Variants in TMEM94 observed in about 807,000 individuals in gnomAD.
TMEM94 encodes the protein transmembrane protein 94, also known as ER Mg2+ ATPase.
A neutral mutation model predicts 158.6 loss-of-function variants in TMEM94; 81 were observed. That is an observed-to-expected ratio of 0.51 (90% CI 0.43 to 0.61). TMEM94 has a LOEUF of 0.61. Among genes scored for constraint, TMEM94 ranks in the 20% least tolerant of loss-of-function variants. The pLI, the probability that TMEM94 is intolerant of heterozygous loss-of-function variation, is 0.00. For missense variants in TMEM94, 1,435 were observed against 1,762.0 expected, an observed-to-expected ratio of 0.81 and a Z score of 3.32; for synonymous variants, 751 against 730.7, an observed-to-expected ratio of 1.03 and a Z score of -0.45.
intron 18 of TMEM94, 84 bp from the exon 19 acceptor site, chr17:75,494,543 T>G: frequency 2.9e-6 from 4 of 1,394,960 alleles, no homozygotes; most frequent in African/African-American, 1.4e-5. Flanking sequence ...TGCTCATTGA[T>G]TTGGGTGTGG....
At chr17:75,481,584 A>G (rs1353039408) in intron 2 of TMEM94, among the ~76,000 whole-genome samples, 1 of 152,140 alleles carries the variant, frequency 6.6e-6, no homozygotes, top group African/African-American at 2.4e-5. Flanking sequence ...GTTGCCGAGG[A>G]GGGGGTATGT....
At chr17:75,464,668 C>T (rs193228679) in intron 1 of TMEM94, among the ~76,000 whole-genome samples, 53 of 103,912 alleles carry the variant, frequency 5.1e-4, no homozygotes, top group South Asian at 3.4e-3. Context: ...TCCTTCCTTC[C>T]TTCCTTCCTT....
chr17:75,497,555 T>C (rs2052840825), intron 26 of TMEM94, among the ~76,000 whole-genome samples: 1 of 152,094 alleles, frequency 6.6e-6, no homozygotes, highest in Non-Finnish European at 1.5e-5. Flanking sequence ...GTTTTTGCCA[T>C]GTTGGCGAGG....
chr17:75,495,969 T>C lies in TMEM94; in HGVS notation c.2948T>C (p.Met983Thr), dbSNP rs563055789. Residue 983 changes from methionine (M) to threonine (T), a missense_variant, in exon 23 of 32, where the codon ATG becomes ACG. By Grantham distance (81) the Met-to-Thr change is moderately conservative. Transcript: ENST00000314256. This position sits in a 1 kb window ranked among gnomAD's most constrained non-coding sequence, Gnocchi z 5.6. ...TGCCCTTATACGCTGTCCTCAGCCA[T>C]GTGTGAGATGATAAAGATCATGCAA... ...PLFTDCTPET[M>T]CEMIKIMQEY... The C allele has an allele frequency of 1.1e-5, 17 of 1,611,786 alleles. No individual in the cohort carries two copies. The highest frequency in any genetic ancestry group is 5.0e-5 in the Admixed American group (3 of 59,996).
intron 4 of TMEM94, 57 bp downstream of exon 4, chr17:75,486,055 G>A (rs939455862): frequency 9.7e-6 from 15 of 1,546,888 alleles, no homozygotes; most frequent in African/African-American, 9.5e-5. Context: ...ATCCTGCCGC[G>A]GCACCTGGGA....
Position 75,498,158 on chromosome 17 carries a change from T to G in TMEM94, c.3490-17T>G. 6.2e-7 allele frequency: 1 copy of G among 1,613,486 alleles called. No homozygotes were observed. Among genetic ancestry groups the G allele is most frequent in the Non-Finnish European group, 8.5e-7 (1 of 1,179,866 alleles). Reference sequence around the variant, plus strand: ...AGGGGCTGTGCGCCCCAGGAGTGACTGGCCTTGTTCCCGCAGACCCAGCAC... The same window carrying G: ...AGGGGCTGTGCGCCCCAGGAGTGACGGGCCTTGTTCCCGCAGACCCAGCAC... On this transcript the variant is annotated splice_polypyrimidine_tract_variant and intron_variant, in intron 27 of 31. Transcript: ENST00000314256. The surrounding 1 kb of genome is among the most constrained non-coding windows in gnomAD (Gnocchi z 6.7).
rs1430661284 is a variant in TMEM94, at chr17:75,487,099, A to G, written c.409+673A>G. On this transcript the variant is annotated intron_variant, in intron 5 of 31. Transcript: ENST00000314256. The surrounding 1 kb of genome is among the most constrained non-coding windows in gnomAD (Gnocchi z 4.6). Reference sequence around the variant, plus strand: ...TTTGTCCTTTCGTTCTGAGATGGTTAATTGCCACCATGTGCCAGGCACTGG... The same window carrying G: ...TTTGTCCTTTCGTTCTGAGATGGTTGATTGCCACCATGTGCCAGGCACTGG... 2.0e-5 allele frequency among the ~76,000 whole-genome samples: 3 copies of G among 152,128 alleles called. No individual in the cohort carries two copies. Among genetic ancestry groups the G allele is most frequent in the African/African-American group, 7.2e-5 (3 of 41,418 alleles).
Position 75,489,701 on chromosome 17 carries a change from G to A in TMEM94, c.954+39G>A, listed in dbSNP as rs567293899. On this transcript the variant is annotated intron_variant, in intron 9 of 31. Transcript: ENST00000314256. The surrounding 1 kb of genome is among the most constrained non-coding windows in gnomAD (Gnocchi z 5.0). ...TGTCCTCTCTGTCATGCTTCCCTCCGACCCGCAGGGCTGGCTCTTCTCCTA... is the reference window on the plus strand; with the variant it reads ...TGTCCTCTCTGTCATGCTTCCCTCCAACCCGCAGGGCTGGCTCTTCTCCTA... The A allele has an allele frequency of 3.9e-6, 6 of 1,529,020 alleles. No individual in the cohort carries two copies. The African/African-American group carries it at 4.1e-5, about 10-fold the overall frequency. 94.7% of individuals were successfully genotyped at this position (1,529,020 alleles called of 1,614,324 possible). A position where few individuals can be genotyped will look rare whatever the true frequency, so the allele number is the denominator to read the frequency against.
chr17:75,476,642 G>A (rs1283688826), intron 2 of TMEM94: 1 of 1,534,302 alleles, frequency 6.5e-7, no homozygotes, highest in Non-Finnish European at 8.7e-7. Flanking sequence ...TTTGAGGGAG[G>A]TGTTGGAAGT....
At position 75,497,856 on chromosome 17, in the gene TMEM94, C is replaced by T. The variant is rs758524943; in HGVS notation, c.3483C>T (p.Pro1161=). Residue 1161 remains proline (P), a synonymous_variant, in exon 27 of 32, where the codon CCC becomes CCT. Coordinates refer to ENST00000314256, the MANE Select transcript of TMEM94 (RefSeq NM_014738.6). ...CGGGGAAAAACCTCCAGTCCATTCC[C>T]AAGAAGGTAAGCAAAACAGACCCTG... The part of the protein sequence containing the change: ...MATGKNLQSI[P]KKTQHYFLLC... The T allele has an allele frequency of 2.5e-6, 4 of 1,613,524 alleles. No individual in the cohort carries two copies. The highest frequency in any genetic ancestry group is 3.3e-5 in the Admixed American group (2 of 60,020).
At position 75,492,636 on chromosome 17, in the gene TMEM94, C is replaced by T; in HGVS notation, c.1759C>T (p.Leu587Phe). Residue 587 changes from leucine to phenylalanine, a missense_variant, in exon 15 of 32, where the codon CTC (leucine) becomes TTC (phenylalanine). Physicochemically the swap from Leu to Phe is conservative, Grantham distance 22. Transcript: ENST00000314256. This position sits in a 1 kb window ranked among gnomAD's most constrained non-coding sequence, Gnocchi z 4.4. ...LHLTSLKPLGLNVLLNLCDAS... is the reference protein window; with the variant it reads ...LHLTSLKPLGFNVLLNLCDAS... ...CCTCACCTCCCTCAAACCCCTGGGC[C>T]TCAATGTGCTGCTGAACCTGTGTGA... The T allele has an allele frequency of 6.2e-7, 1 of 1,614,084 alleles. No homozygotes were observed. Among genetic ancestry groups the T allele is most frequent in the Non-Finnish European group, 8.5e-7 (1 of 1,180,018 alleles).
intron 1 of TMEM94, among the ~76,000 whole-genome samples, chr17:75,465,429 A>ATTAT (rs1277373337): frequency 7.3e-5 from 11 of 150,302 alleles, no homozygotes; most frequent in African/African-American, 1.5e-4. Flanking sequence ...CTGCCTGTTT[A>ATTAT]TTATTTATTT....
Position 75,495,636 on chromosome 17 carries a change from C to A in TMEM94, c.2937C>A (p.Thr979=). The A allele has an allele frequency of 6.2e-7, 1 of 1,613,334 alleles. No homozygotes were observed. The highest frequency in any genetic ancestry group is 1.1e-5 in the South Asian group (1 of 91,078). ...TAGTGCCCCTTTTCACCGACTGCAC[C>A]CCAGAGAGTGAGTGCTGTGGCCATG... The part of the protein sequence containing the change: ...PLLVPLFTDC[T]PETMCEMIKI... The change falls in exon 22 of 32, where the codon ACC becomes ACA. Residue 979 remains threonine, a synonymous_variant. Transcript: ENST00000314256. The surrounding 1 kb of genome is among the most constrained non-coding windows in gnomAD (Gnocchi z 5.6).
intron 1 of TMEM94, among the ~76,000 whole-genome samples, chr17:75,470,803 C>T (rs1203560624): frequency 3.3e-5 from 5 of 151,678 alleles, no homozygotes; most frequent in African/African-American, 7.3e-5. Context: ...CCTGTAATCC[C>T]AGCTACTTGA....
intron 26 of TMEM94, 115 bp from the exon 27 acceptor site, chr17:75,497,666 C>T: frequency 1.3e-6 from 1 of 765,920 alleles, no homozygotes; most frequent in Non-Finnish European, 2.2e-6. Context: ...TTGTTTTATT[C>T]CATCCCCTCA....
Position 75,494,973 on chromosome 17 carries a change from C to T in TMEM94, c.2667C>T (p.Gly889=), listed in dbSNP as rs751015897. Residue 889 remains glycine, a synonymous_variant, in exon 20 of 32, where the codon GGC becomes GGT. Coordinates refer to ENST00000314256, the MANE Select transcript of TMEM94 (RefSeq NM_014738.6). The stretch of plus-strand genomic sequence containing the variant: ...TCACACCCAATGGTGACATGCCTGG[C>T]TCCGAGATCCCCCCCTCCAGCCCCA... ...ISLTPNGDMP[G]SEIPPSSPSH... 1 of 1,613,480 alleles carries T rather than the reference C, an allele frequency of 6.2e-7. No homozygotes were observed. The highest frequency in any genetic ancestry group is 8.5e-7 in the Non-Finnish European group (1 of 1,180,020).
At chr17:75,488,316 G>A (rs994692760) in intron 6 of TMEM94, among the ~76,000 whole-genome samples, 182 bp downstream of exon 6, 6 of 152,074 alleles carry the variant, frequency 3.9e-5, no homozygotes, top group African/African-American at 2.4e-5. Flanking sequence ...TCACCCTGTC[G>A]CCCAGGCTGG....
At position 75,494,998 on chromosome 17, in the gene TMEM94, A is replaced by G. The variant is rs777660175; in HGVS notation, c.2692A>G (p.Ser898Gly). 6.2e-7 allele frequency: 1 copy of G among 1,604,130 alleles called. No individual in the cohort carries two copies. The highest frequency in any genetic ancestry group is 8.5e-7 in the Non-Finnish European group (1 of 1,175,238). The change falls in exon 20 of 32, where the codon AGC becomes GGC. Residue 898 changes from serine to glycine, a missense_variant. Transcript: ENST00000314256. ...PGSEIPPSSPSHAGSLHDDLN... is the reference protein window; with the variant it reads ...PGSEIPPSSPGHAGSLHDDLN... ...CTCCGAGATCCCCCCCTCCAGCCCC[A>G]GCCACGCAGGCTCCCTGCATGATGA...
intron 5 of TMEM94, 86 bp downstream of exon 5, chr17:75,486,512 G>T (rs995648509): frequency 5.2e-6 from 8 of 1,549,400 alleles, no homozygotes; most frequent in Non-Finnish European, 7.1e-6. Flanking sequence ...CCCCAGCACA[G>T]ACGGGTTGCC....
Sources: gnomAD v4.1 joint callset for allele counts (sites outside exome capture counted in the v4.1 genomes callset) on GRCh38, gnomAD v4.1.1 for gene constraint, Gnocchi (gnomAD v3.1) non-coding constraint, MANE v1.5 for transcripts, NCBI Gene and HGNC (gene_info 2026-07-23, HGNC 2026-07-21) for gene names.